MON2: variants seen among roughly 807,000 people sequenced by gnomAD.
MON2 encodes the protein MON2 regulator of endosome-to-Golgi trafficking.
Under a neutral mutation model 208.6 loss-of-function variants are expected in MON2, and 84 were observed. The ratio of observed to expected loss-of-function variants is 0.40; its 90% confidence interval spans 0.34 to 0.48. The LOEUF is 0.48. Ranked by LOEUF, MON2 falls within the 20% of genes least tolerant of loss-of-function variation. The pLI is 0.59. For synonymous variants in MON2, 660 were observed against 694.0 expected, an observed-to-expected ratio of 0.95 and a Z score of 0.77; for missense variants, 1,611 against 2,015.4, an observed-to-expected ratio of 0.80 and a Z score of 3.84.
chr12:62,576,111 A>G (rs954087046), intron 30 of MON2, among the ~76,000 whole-genome samples: 1 of 152,190 alleles, frequency 6.6e-6, no homozygotes, highest in African/African-American at 2.4e-5. Context: ...TAATGTATTC[A>G]TACAGTGGAA....
At chr12:62,489,177 AAT>A (rs1440871979) in intron 2 of MON2, among the ~76,000 whole-genome samples, 2 of 152,112 alleles carry the variant, frequency 1.3e-5, no homozygotes, top group African/African-American at 4.8e-5. Context: ...AAATTCTTAG[AAT>A]ATGTTACCAT....
chr12:62,580,794 GA>G (rs1392697204), intron 32 of MON2, among the ~76,000 whole-genome samples: 1 of 152,138 alleles, frequency 6.6e-6, no homozygotes, highest in Non-Finnish European at 1.5e-5. Context: ...TCATAGATTG[GA>G]AAGGAATATA....
chr12:62,577,040 T>C (rs1244724455), intron 30 of MON2, among the ~76,000 whole-genome samples: 1 of 152,016 alleles, frequency 6.6e-6, no homozygotes, highest in Non-Finnish European at 1.5e-5. Flanking sequence ...CATTTTTTGT[T>C]GATCATCAAC....
chr12:62,583,165 C>T (rs895885139), intron 32 of MON2, among the ~76,000 whole-genome samples: 2 of 152,020 alleles, frequency 1.3e-5, no homozygotes, highest in African/African-American at 4.8e-5. Context: ...AACCCCATCT[C>T]TACAAAAAAT....
rs551488563 is a variant in MON2, at chr12:62,560,469, T to G, written c.3410-22T>G. 26 of 1,560,800 alleles carry G rather than the reference T, an allele frequency of 1.7e-5. No individual in the cohort carries two copies. In the South Asian group the frequency reaches 2.7e-4, roughly 16 times the overall value. On this transcript the variant is annotated intron_variant, in intron 25 of 34. Coordinates refer to ENST00000393630, the MANE Select transcript of MON2 (RefSeq NM_015026.3). ...TTTGATCGCTTTTATGATAATAGTT[T>G]TTTTTTCTCTTCCTAATATAGGAGA...
At chr12:62,518,535 T>C (rs952959382) in intron 8 of MON2, among the ~76,000 whole-genome samples, 2 of 152,130 alleles carry the variant, frequency 1.3e-5, no homozygotes, top group African/African-American at 2.4e-5. Flanking sequence ...CTCGCTCTCT[T>C]TTTTTTTCTT....
chr12:62,530,388 G>A (rs1033735228), intron 11 of MON2, among the ~76,000 whole-genome samples: 2 of 151,990 alleles, frequency 1.3e-5, no homozygotes, highest in African/African-American at 4.8e-5. Flanking sequence ...CTGCCACCAT[G>A]CCCGGCTAAT....
Position 62,557,195 on chromosome 12 carries a change from G to A in MON2, c.3409+1003G>A, listed in dbSNP as rs764608051. Among the ~76,000 whole-genome samples, 7 of 152,298 alleles carry A rather than the reference G, an allele frequency of 4.6e-5. No homozygotes were observed. In the South Asian group the frequency reaches 1.4e-3, roughly 32 times the overall value. ...ATGCACTTCAAAAAGATCACAAAGT[G>A]CATGTCTTAGTGTATATGTAGAATG... On this transcript the variant is annotated intron_variant, in intron 25 of 34. Transcript: ENST00000393630.
At chr12:62,491,273 A>AC (rs2070121098) in intron 2 of MON2, among the ~76,000 whole-genome samples, 1 of 152,160 alleles carries the variant, frequency 6.6e-6, no homozygotes, top group Admixed American at 6.6e-5. Flanking sequence ...GACAATAGTG[A>AC]AGTATTCTTT....
chr12:62,517,521 G>A (rs2071764504), intron 8 of MON2, among the ~76,000 whole-genome samples: 1 of 152,076 alleles, frequency 6.6e-6, no homozygotes, highest in Non-Finnish European at 1.5e-5. Context: ...TTAGATGAAG[G>A]CATGAGGGTG....
intron 29 of MON2, among the ~76,000 whole-genome samples, chr12:62,569,514 A>G (rs1458523172): frequency 1.3e-5 from 2 of 152,232 alleles, no homozygotes; most frequent in Non-Finnish European, 2.9e-5. Context: ...TAGGCCAGTA[A>G]CAAGATTATA....
chr12:62,499,308 A>C (rs184303205), intron 5 of MON2, among the ~76,000 whole-genome samples: 1 of 152,174 alleles, frequency 6.6e-6, no homozygotes, highest in Non-Finnish European at 1.5e-5. Context: ...TTTTAACCAA[A>C]CATTACATTC....
chr12:62,557,095 A>G (rs1016459598), intron 25 of MON2, among the ~76,000 whole-genome samples: 2 of 152,182 alleles, frequency 1.3e-5, no homozygotes, highest in African/African-American at 4.8e-5. Context: ...CTCGAAAAAA[A>G]AAAAAGGATT....
Position 62,467,160 on chromosome 12 carries a change from C to A in MON2, c.-48C>A. ...TGTGGCCCTAAGGAGCTGACCGTGC[C>A]AGAGCTTGTTTGTACCTCTCGGAAA... On this transcript the variant is annotated 5_prime_UTR_variant, in exon 1 of 35. Transcript: ENST00000393630. The A allele has an allele frequency of 2.0e-6, 3 of 1,535,274 alleles. No individual in the cohort carries two copies. The South Asian group carries it at 3.4e-5, about 17-fold the overall frequency.
intron 2 of MON2, among the ~76,000 whole-genome samples, chr12:62,488,515 A>G (rs1051624603): frequency 1.3e-5 from 2 of 152,176 alleles, no homozygotes; most frequent in African/African-American, 4.8e-5. Flanking sequence ...CCTGAGCAGC[A>G]TGATGGGAAG....
intron 1 of MON2, chr12:62,483,153 A>G (rs2069549062): frequency 6.6e-6 from 1 of 152,240 alleles, no homozygotes; most frequent in Non-Finnish European, 1.5e-5. Context: ...GGGATAGGTT[A>G]TATTCTTTTT....
intron 10 of MON2, 96 bp downstream of exon 10, chr12:62,525,316 AAT>A (rs2072275033): frequency 7.4e-7 from 1 of 1,349,398 alleles, no homozygotes; most frequent in Non-Finnish European, 1.0e-6. Flanking sequence ...TGACTAGAGA[AAT>A]TTGGGTTACC....
chr12:62,476,060 C>CT (rs747913289), intron 1 of MON2, among the ~76,000 whole-genome samples: 2 of 152,042 alleles, frequency 1.3e-5, no homozygotes, highest in East Asian at 3.9e-4. Context: ...TGTGGGAATA[C>CT]CATGTATATA....
In MON2 at chr12:62,598,019, A is replaced by G. The variant is rs2075561577; in HGVS notation, c.*5270A>G. ...CATCTTAATATTGATTTATATTGACACTGCCTACTTACAAGAATAATTTGA... is the reference window on the plus strand; with the variant it reads ...CATCTTAATATTGATTTATATTGACGCTGCCTACTTACAAGAATAATTTGA... On this transcript the variant is annotated 3_prime_UTR_variant, in exon 35 of 35. Transcript: ENST00000393630. 1 of 152,206 alleles carries G rather than the reference A, an allele frequency of 6.6e-6. No individual in the cohort carries two copies. Among genetic ancestry groups the G allele is most frequent in the Non-Finnish European group, 1.5e-5 (1 of 68,044 alleles). 9.4% of individuals were successfully genotyped at this position (152,206 alleles called of 1,614,324 possible). A position where few individuals can be genotyped will look rare whatever the true frequency, so the allele number is the denominator to read the frequency against.
Sources: allele counts gnomAD v4.1 joint callset (sites outside exome capture counted in the v4.1 genomes callset), GRCh38; gene constraint gnomAD v4.1.1; transcripts MANE v1.5; gene names NCBI Gene and HGNC (gene_info 2026-07-23, HGNC 2026-07-21).